Variants in DENND4C observed in about 807,000 individuals in gnomAD.
DENND4C encodes the protein DENN domain containing 4C.
DENND4C carries 108 observed loss-of-function variants against 203.0 expected under a neutral mutation model. The ratio of observed to expected loss-of-function variants is 0.53; its 90% CI spans 0.46 to 0.62. The LOEUF (loss-of-function observed/expected upper bound fraction) is 0.62, where lower values mean the gene tolerates loss of function less well. DENND4C is among the 20% of genes least tolerant of loss of function. DENND4C has a pLI of 0.00. For missense variants in DENND4C, 2,481 were observed against 2,301.2 expected (o/e 1.08, Z -1.60); for synonymous variants, 871 against 792.4 (o/e 1.10, Z -1.67).
chr9:19,361,417 T>C (rs1164810670), intron 29 of DENND4C, among the ~76,000 whole-genome samples: 1 of 152,190 alleles, frequency 6.6e-6, no homozygotes, highest in African/African-American at 2.4e-5. Context: ...TAGAGTGCTT[T>C]ATTTTATAGG....
At chr9:19,274,681 A>G (rs1832505458) in intron 1 of DENND4C, among the ~76,000 whole-genome samples, 1 of 152,242 alleles carries the variant, frequency 6.6e-6, no homozygotes, top group South Asian at 2.1e-4. Context: ...GATATAAAAG[A>G]TTTAATGATT....
chr9:19,268,915 T>C (rs1831063520), intron 1 of DENND4C, among the ~76,000 whole-genome samples: 1 of 152,192 alleles, frequency 6.6e-6, no homozygotes. Flanking sequence ...GGAGGTAGTT[T>C]TGAGTTAAAT....
At position 19,339,609 on chromosome 9, in the gene DENND4C, C is replaced by G. The variant is rs1821168249; in HGVS notation, c.2882-1383C>G. Among the ~76,000 whole-genome samples, 6 of 152,110 alleles carry G rather than the reference C, an allele frequency of 3.9e-5. No individual in the cohort carries two copies. In the South Asian group the frequency reaches 1.2e-3, roughly 32 times the overall value. On this transcript the variant is annotated intron_variant, in intron 20 of 32. Transcript: ENST00000434457. ...ACCTAGTCTCACTATTGTCTGGTTT[C>G]TCTGTGGATAGTTACTATAATATTT...
intron 1 of DENND4C, among the ~76,000 whole-genome samples, chr9:19,233,592 G>A (rs1240600594): frequency 1.6e-5 from 2 of 125,400 alleles, no homozygotes; most frequent in Non-Finnish European, 3.2e-5. Flanking sequence ...ATGTAGTCTC[G>A]CTTCGTCACC....
At position 19,347,081 on chromosome 9, in the gene DENND4C, G is replaced by C. The variant is rs776962955; in HGVS notation, c.4312G>C (p.Asp1438His). ...AVASAYSYSD[D>H]EEETNRDYSF... ...TGCGTCTGCCTACAGCTACTCAGAT[G>C]ATGAGGTAAGAAAGCTTTATGTGTG... Residue 1438 changes from aspartate to histidine, a missense_variant, in exon 23 of 33, where the codon GAT (aspartate) becomes CAT (histidine). By Grantham distance (81) the Asp-to-His change is moderately conservative. Coordinates refer to ENST00000434457, the MANE Select transcript of DENND4C (RefSeq NM_001330640.2). 6 of 1,612,068 alleles carry C rather than the reference G, an allele frequency of 3.7e-6. No individual in the cohort carries two copies. In the South Asian group the frequency reaches 4.4e-5, roughly 12 times the overall value.
intron 3 of DENND4C, among the ~76,000 whole-genome samples, chr9:19,288,365 C>A (rs1423214245): frequency 6.6e-6 from 1 of 152,186 alleles, no homozygotes; most frequent in Admixed American, 6.5e-5. Context: ...AATTCTAAAT[C>A]TTTTGAAATG....
At chr9:19,245,891 G>C (rs1825119215) in intron 1 of DENND4C, among the ~76,000 whole-genome samples, 1 of 151,010 alleles carries the variant, frequency 6.6e-6, no homozygotes, top group Non-Finnish European at 1.5e-5. Flanking sequence ...ATCTAACTCT[G>C]ACCTCCACTT....
intron 1 of DENND4C, among the ~76,000 whole-genome samples, chr9:19,249,670 C>A (rs1826086932): frequency 6.6e-6 from 1 of 152,100 alleles, no homozygotes. Context: ...TGAAGAAAAT[C>A]AACAAATTCA....
At chr9:19,238,015 G>T (rs1378821672) in intron 1 of DENND4C, among the ~76,000 whole-genome samples, 1 of 151,936 alleles carries the variant, frequency 6.6e-6, no homozygotes, top group Non-Finnish European at 1.5e-5. Flanking sequence ...AGGGTGTCAG[G>T]AGAGCTGTGC....
intron 31 of DENND4C, chr9:19,371,282 AC>A (rs980644593): frequency 6.5e-6 from 1 of 153,550 alleles, no homozygotes; most frequent in African/African-American, 2.4e-5. Flanking sequence ...TAGTAAAGAG[AC>A]CACACCACCT....
intron 2 of DENND4C, among the ~76,000 whole-genome samples, chr9:19,283,736 C>T (rs1180371115): frequency 1.3e-5 from 2 of 150,048 alleles, no homozygotes; most frequent in African/African-American, 4.9e-5. Flanking sequence ...GCTGGGACTA[C>T]AGGCACCTGC....
At position 19,336,786 on chromosome 9, in the gene DENND4C, C is replaced by G; in HGVS notation, c.2835C>G (p.Val945=). 3 of 1,550,830 alleles carry G rather than the reference C, an allele frequency of 1.9e-6. No individual in the cohort carries two copies. Among genetic ancestry groups the G allele is most frequent in the Non-Finnish European group, 2.6e-6 (3 of 1,147,012 alleles). Residue 945 remains valine (V), a synonymous_variant, in exon 20 of 33, where the codon GTC becomes GTG. Transcript: ENST00000434457. ...DANNGEHTVF[V]RDLIRLESID... ...ACAATGGGGAGCACACAGTCTTCGT[C>G]AGAGATTTAATCAGGCTTGAGTCCA...
At position 19,358,145 on chromosome 9, in the gene DENND4C, T is replaced by C. The variant is rs1451286878; in HGVS notation, c.5145T>C (p.Ser1715=). The change falls in exon 28 of 33, where the codon AGT becomes AGC. Residue 1715 remains serine, a synonymous_variant. Coordinates refer to ENST00000434457, the MANE Select transcript of DENND4C (RefSeq NM_001330640.2). The surrounding 1 kb of genome is among the most constrained non-coding windows in gnomAD (Gnocchi z 4.8). ...TCTCAACAGTTAGTCTTCCAAATAG[T>C]CTGCAGGAAGTTGTGGTATGTAACA... is the stretch of plus-strand genomic sequence containing the variant. ...HGISTVSLPN[S]LQEVVDPLGK... 2.5e-6 allele frequency: 4 copies of C among 1,613,288 alleles called. No homozygotes were observed. Among genetic ancestry groups the C allele is most frequent in the Non-Finnish European group, 3.4e-6 (4 of 1,179,490 alleles).
chr9:19,357,206 G>A (rs1320600337), intron 27 of DENND4C, 52 bp downstream of exon 27: 1 of 1,586,624 alleles, frequency 6.3e-7, no homozygotes, highest in Non-Finnish European at 8.6e-7. Flanking sequence ...GGGTACCCTT[G>A]TAAAAATTCT....
chr9:19,256,346 G>C (rs112316226), intron 1 of DENND4C, among the ~76,000 whole-genome samples: 8,420 of 79,670 alleles, frequency 0.11, 537 homozygotes, highest in African/African-American at 0.25. Context: ...TTTCGCTCTT[G>C]TTGCCCAGGC....
At position 19,286,906 on chromosome 9, in the gene DENND4C, C is replaced by T; in HGVS notation, c.443C>T (p.Pro148Leu). ...RIFITYRRAP[P>L]VRPQNSLAVT... The stretch of plus-strand genomic sequence containing the variant: ...TTTATCACTTATCGAAGGGCTCCTC[C>T]AGTTCGACCCCAGAATTCCTTGGCT... Residue 148 changes from proline (P) to leucine (L), a missense_variant, in exon 3 of 33, where the codon CCA becomes CTA. By Grantham distance (98) the Pro-to-Leu change is moderately conservative. This residue lies in a region of DENND4C where 187 missense variants were observed against 167.4 expected (regional missense o/e 1.12). Coordinates refer to ENST00000434457, the MANE Select transcript of DENND4C (RefSeq NM_001330640.2). 1 of 1,232,138 alleles carries T rather than the reference C, an allele frequency of 8.1e-7. No individual in the cohort carries two copies. The highest frequency in any genetic ancestry group is 1.0e-6 in the Non-Finnish European group (1 of 987,964). The allele number at this position is 1,232,138 out of a possible 1,614,324, so 76.3% of individuals were successfully genotyped here.
Position 19,331,696 on chromosome 9 carries a change from T to C in DENND4C, c.2254-282T>C, listed in dbSNP as rs534741048. 6.6e-5 allele frequency among the ~76,000 whole-genome samples: 10 copies of C among 152,306 alleles called. No homozygotes were observed. In the East Asian group the frequency reaches 1.9e-3, roughly 29 times the overall value. ...TTTGTAAAAGACATGAGCCATTCTATTACAAAAAGATGAATGATCTTTGCT... is the reference window on the plus strand; with the variant it reads ...TTTGTAAAAGACATGAGCCATTCTACTACAAAAAGATGAATGATCTTTGCT... On this transcript the variant is annotated intron_variant, in intron 16 of 32. Transcript: ENST00000434457.
chr9:19,278,875 C>G (rs1002685653), intron 2 of DENND4C, among the ~76,000 whole-genome samples: 1 of 151,994 alleles, frequency 6.6e-6, no homozygotes, highest in African/African-American at 2.4e-5. Context: ...ACTCTGCCCC[C>G]CCAGAAGCTT....
chr9:19,317,518 C>T (rs112488139), intron 12 of DENND4C, among the ~76,000 whole-genome samples: 2,174 of 152,140 alleles, frequency 0.014, 48 homozygotes, highest in African/African-American at 0.05. Flanking sequence ...ACATCTATAT[C>T]AATATTTATG....
Sources: allele counts gnomAD v4.1 joint callset (sites outside exome capture counted in the v4.1 genomes callset), GRCh38; gene constraint gnomAD v4.1.1; regional missense constraint gnomAD v4.1.1; non-coding constraint Gnocchi (gnomAD v3.1); transcripts MANE v1.5; gene names NCBI Gene and HGNC (gene_info 2026-07-23, HGNC 2026-07-21).